CRISPLD2: variants seen among roughly 807,000 people sequenced by gnomAD.
CRISPLD2 encodes cysteine-rich secretory protein LCCL domain-containing 2.
In CRISPLD2, 47 loss-of-function variants were observed where a neutral mutation model predicts 71.1. The ratio of observed to expected loss-of-function variants is 0.66; its 90% CI spans 0.52 to 0.84. CRISPLD2 has a LOEUF of 0.84. Ranked by LOEUF, CRISPLD2 falls within the 40% of genes least tolerant of loss-of-function variation. The pLI, the probability that CRISPLD2 is intolerant of heterozygous loss-of-function variation, is 0.00. For synonymous variants in CRISPLD2, 317 were observed against 250.1 expected (o/e 1.27, Z -2.52); for missense variants, 830 against 651.1 (o/e 1.27, Z -2.99).
intron 6 of CRISPLD2, among the ~76,000 whole-genome samples, chr16:84,862,672 CTTTTTT>C (rs764630306): frequency 9.7e-4 from 96 of 99,196 alleles, no homozygotes; most frequent in African/African-American, 1.6e-3. Context: ...GTGGCCCAGG[CTTTTTT>C]TTTTTTTTTT....
intron 14 of CRISPLD2, among the ~76,000 whole-genome samples, chr16:84,891,256 C>G (rs980043495): frequency 6.6e-6 from 1 of 152,246 alleles, no homozygotes; most frequent in Admixed American, 6.5e-5. Flanking sequence ...GCCCTGGGCC[C>G]CTGGACGCTC....
At chr16:84,878,639 A>C (rs1008304611) in intron 12 of CRISPLD2, among the ~76,000 whole-genome samples, 1 of 152,228 alleles carries the variant, frequency 6.6e-6, no homozygotes, top group Non-Finnish European at 1.5e-5. Context: ...GCCTCCCAGC[A>C]TAAAATAAAG....
chr16:84,892,101 C>G (rs1025600013), intron 14 of CRISPLD2, among the ~76,000 whole-genome samples: 6 of 152,170 alleles, frequency 3.9e-5, no homozygotes, highest in African/African-American at 1.4e-4. Context: ...GTTTCCTCAC[C>G]TATAAAGGGG....
At chr16:84,899,256 T>A (rs2071732526) in intron 14 of CRISPLD2, among the ~76,000 whole-genome samples, 1 of 152,164 alleles carries the variant, frequency 6.6e-6, no homozygotes, top group Admixed American at 6.5e-5. Flanking sequence ...TTGATACACT[T>A]GATAAAAAGT....
chr16:84,875,676 C>G (rs1597472910), intron 11 of CRISPLD2, among the ~76,000 whole-genome samples: 1 of 151,410 alleles, frequency 6.6e-6, no homozygotes, highest in Non-Finnish European at 1.5e-5. Context: ...CCTGCCTTAG[C>G]CTCCTGAGTA....
At position 84,879,482 on chromosome 16, in the gene CRISPLD2, C is replaced by T. The variant is rs74554353; in HGVS notation, c.1230-1027C>T. ...GATTCAAGCCATTCTCCTGCCTCAG[C>T]GTCCCGCGTAGCTGGGATTACGGGC... is the stretch of plus-strand genomic sequence containing the variant. On this transcript the variant is annotated intron_variant, in intron 12 of 14. Transcript: ENST00000262424. Among the ~76,000 whole-genome samples the T allele has an allele frequency of 7.1e-3, 1,080 of 152,100 alleles. 49 individuals carry two copies. The East Asian group carries it at 0.11, about 16-fold the overall frequency.
chr16:84,866,548 T>C (rs963725827), intron 6 of CRISPLD2, among the ~76,000 whole-genome samples: 3 of 152,184 alleles, frequency 2.0e-5, no homozygotes, highest in African/African-American at 7.2e-5. Context: ...AGGCAGCTTC[T>C]TGAAGTTGCT....
At chr16:84,849,993 T>C (rs572024754) in intron 4 of CRISPLD2, among the ~76,000 whole-genome samples, 1 of 152,010 alleles carries the variant, frequency 6.6e-6, no homozygotes, top group African/African-American at 2.4e-5. Context: ...CCCAAAGTGT[T>C]GGGATTACAG....
intron 3 of CRISPLD2, 85 bp from the exon 4 acceptor site, chr16:84,849,300 C>G: frequency 7.3e-7 from 1 of 1,375,902 alleles, no homozygotes. Context: ...GGCCTCCCTC[C>G]CTCCTACCTG....
At position 84,838,749 on chromosome 16, in the gene CRISPLD2, C is replaced by G; in HGVS notation, c.240+14C>G. 1 of 1,607,368 alleles carries G rather than the reference C, an allele frequency of 6.2e-7. No homozygotes were observed. The highest frequency in any genetic ancestry group is 1.1e-5 in the South Asian group (1 of 90,718). ...ATGGAGTACATGGTGAGCGCCGGCT[C>G]CGGCCGCAGAGGCTGGCACCGGGGG... is the stretch of plus-strand genomic sequence containing the variant. On this transcript the variant is annotated intron_variant, in intron 2 of 14. Coordinates refer to ENST00000262424, the MANE Select transcript of CRISPLD2 (RefSeq NM_031476.4).
intron 14 of CRISPLD2, among the ~76,000 whole-genome samples, chr16:84,898,262 A>G (rs555806386): frequency 6.2e-4 from 94 of 152,274 alleles, no homozygotes; most frequent in African/African-American, 2.2e-3. Flanking sequence ...AAAAGTCAGC[A>G]CATCCTTTCC....
At chr16:84,862,128 A>G (rs1468803261) in intron 6 of CRISPLD2, among the ~76,000 whole-genome samples, 1 of 151,962 alleles carries the variant, frequency 6.6e-6, no homozygotes, top group Non-Finnish European at 1.5e-5. Context: ...TGCTCCCCTG[A>G]CTGTGCTAGA....
chr16:84,844,976 C>T (rs956973023), intron 2 of CRISPLD2, among the ~76,000 whole-genome samples: 2 of 152,290 alleles, frequency 1.3e-5, no homozygotes, highest in South Asian at 4.1e-4. Context: ...GTTCACACTG[C>T]CATTCCAGGA....
In CRISPLD2 at chr16:84,838,745, G is replaced by C; in HGVS notation, c.240+10G>C. 6.2e-7 allele frequency: 1 copy of C among 1,608,246 alleles called. No homozygotes were observed. Among genetic ancestry groups the C allele is most frequent in the Middle Eastern group, 1.7e-4 (1 of 5,920 alleles). ...CAACATGGAGTACATGGTGAGCGCC[G>C]GCTCCGGCCGCAGAGGCTGGCACCG... is the stretch of plus-strand genomic sequence containing the variant. On this transcript the variant is annotated intron_variant, in intron 2 of 14. Transcript: ENST00000262424.
chr16:84,880,174 G>T (rs73251558), intron 12 of CRISPLD2, among the ~76,000 whole-genome samples: 104 of 152,236 alleles, frequency 6.8e-4, no homozygotes, highest in African/African-American at 2.3e-3. Flanking sequence ...GTGTGAACTA[G>T]CCAACATCCA....
At chr16:84,837,371 G>C (rs1374911696) in intron 1 of CRISPLD2, among the ~76,000 whole-genome samples, 1 of 151,972 alleles carries the variant, frequency 6.6e-6, no homozygotes, top group Non-Finnish European at 1.5e-5. Flanking sequence ...TTACCAGGAG[G>C]CCGGCCCTGG....
chr16:84,905,244 G>C (rs1056695034), intron 14 of CRISPLD2, among the ~76,000 whole-genome samples: 1 of 152,206 alleles, frequency 6.6e-6, no homozygotes, highest in Non-Finnish European at 1.5e-5. Flanking sequence ...TCTGGCCTTG[G>C]TGACAGACCT....
intron 13 of CRISPLD2, among the ~76,000 whole-genome samples, chr16:84,885,574 T>G (rs1362195688): frequency 6.6e-6 from 1 of 152,200 alleles, no homozygotes; most frequent in Non-Finnish European, 1.5e-5. Context: ...GGACCCCGCT[T>G]TGGGCTAAGG....
chr16:84,884,719 C>T lies in CRISPLD2; in HGVS notation c.1305+4135C>T, dbSNP rs145070686. Among the ~76,000 whole-genome samples the T allele has an allele frequency of 8.5e-5, 13 of 152,300 alleles. No homozygotes were observed. In the East Asian group the frequency reaches 2.3e-3, roughly 27 times the overall value. ...CCGGGCCTGTGGAGTGAGAAAGATC[C>T]GGCCATGGGTGTGAGCTTTTCGTAC... On this transcript the variant is annotated intron_variant, in intron 13 of 14. Transcript: ENST00000262424.
Sources: allele counts gnomAD v4.1 joint callset (sites outside exome capture counted in the v4.1 genomes callset), GRCh38; gene constraint gnomAD v4.1.1; transcripts MANE v1.5; gene names NCBI Gene and HGNC (gene_info 2026-07-23, HGNC 2026-07-21).